ATR: variants seen among roughly 807,000 people sequenced by gnomAD.
ATR encodes the protein ATR checkpoint kinase, also known as serine/threonine-protein kinase ATR.
ATR carries 142 observed loss-of-function variants against 305.3 expected under a neutral mutation model. The ratio of observed to expected loss-of-function variants is 0.47; its 90% CI spans 0.41 to 0.53. The LOEUF (loss-of-function observed/expected upper bound fraction) is 0.53. ATR is among the 20% of genes least tolerant of loss of function. ATR has a pLI of 0.00. For missense variants in ATR, 2,135 were observed against 3,133.1 expected (o/e 0.68, Z 7.60); for synonymous variants, 1,050 against 1,068.1 (o/e 0.98, Z 0.33).
At chr3:142,470,244 T>G in intron 36 of ATR, 61 bp from the exon 37 acceptor site, 1 of 1,345,012 alleles carries the variant, frequency 7.4e-7, no homozygotes, top group African/African-American at 1.5e-5. Context: ...TTATACGAAT[T>G]AAAATTTAAA....
intron 18 of ATR, among the ~76,000 whole-genome samples, chr3:142,539,947 G>C (rs1182037826): frequency 1.3e-5 from 2 of 152,110 alleles, no homozygotes; most frequent in African/African-American, 4.8e-5. Context: ...AGGGATTCAG[G>C]TTGATAAAAC....
intron 24 of ATR, among the ~76,000 whole-genome samples, chr3:142,519,285 A>G (rs1559959098): frequency 6.6e-6 from 1 of 152,040 alleles, no homozygotes; most frequent in African/African-American, 2.4e-5. Flanking sequence ...TTAAAAAACT[A>G]TATCAAAAAT....
chr3:142,530,957 T>A (rs951038749), intron 21 of ATR, among the ~76,000 whole-genome samples: 1 of 152,176 alleles, frequency 6.6e-6, no homozygotes, highest in Non-Finnish European at 1.5e-5. Context: ...CAATTCTTAG[T>A]TCCTATTCTT....
At chr3:142,495,191 GTAT>G (rs2031511534) in intron 34 of ATR, among the ~76,000 whole-genome samples, 1 of 152,094 alleles carries the variant, frequency 6.6e-6, no homozygotes, top group South Asian at 2.1e-4. Context: ...TGAGTTTAAG[GTAT>G]TATAATACAT....
chr3:142,555,848 A>G, intron 10 of ATR, 29 bp downstream of exon 10: 1 of 1,586,898 alleles, frequency 6.3e-7, no homozygotes, highest in Non-Finnish European at 8.6e-7. Flanking sequence ...AATAGGTTTT[A>G]AAGTATTAAA....
intron 30 of ATR, among the ~76,000 whole-genome samples, 178 bp downstream of exon 30, chr3:142,503,184 A>G (rs1050702044): frequency 2.6e-5 from 4 of 152,184 alleles, no homozygotes; most frequent in African/African-American, 9.7e-5. Context: ...AGAAGCTGTT[A>G]AGTGGTAGAC....
At chr3:142,536,697 G>T (rs1243870155) in intron 19 of ATR, among the ~76,000 whole-genome samples, 1 of 152,190 alleles carries the variant, frequency 6.6e-6, no homozygotes. Flanking sequence ...CAGTCTACCT[G>T]CCCCCTGAAT....
intron 46 of ATR, chr3:142,452,278 G>T: frequency 1.0e-6 from 1 of 992,378 alleles, no homozygotes; most frequent in Non-Finnish European, 1.2e-6. Flanking sequence ...CATATAGTTG[G>T]TATAATTCAT....
chr3:142,459,403 C>CGATA lies in ATR; in HGVS notation c.7193-21_7193-20insTATC. 1 of 1,613,398 alleles carries CGATA rather than the reference C, an allele frequency of 6.2e-7. No individual in the cohort carries two copies. The highest frequency in any genetic ancestry group is 1.6e-4 in the Middle Eastern group (1 of 6,062). ...ACACTCCTGCAAGGAAGAGTGATAT[C>CGATA]CATTAATCACATCAGCCAAATGAAA... On this transcript the variant is annotated intron_variant, in intron 42 of 46. Transcript: ENST00000350721.
Position 142,571,492 on chromosome 3 carries a change from TAAA to T in ATR, c.60-3341_60-3339del, listed in dbSNP as rs2035258305. On this transcript the variant is annotated intron_variant, in intron 1 of 46. Coordinates refer to ENST00000350721, the MANE Select transcript of ATR (RefSeq NM_001184.4). ...ATAAATAAATAAATAAATAAATAAA[TAAA>T]TAAATAAATAAATAATCAAAAGCAA... Among the ~76,000 whole-genome samples the T allele has an allele frequency of 4.0e-5, 6 of 149,692 alleles. No homozygotes were observed. In the South Asian group the frequency reaches 1.3e-3, roughly 31 times the overall value.
intron 36 of ATR, among the ~76,000 whole-genome samples, chr3:142,484,283 A>T (rs1453132479): frequency 6.6e-6 from 1 of 152,232 alleles, no homozygotes; most frequent in East Asian, 1.9e-4. Context: ...CTGGGTTTAC[A>T]TTATGAGCTA....
intron 8 of ATR, 58 bp from the exon 9 acceptor site, chr3:142,556,633 C>T: frequency 1.4e-6 from 2 of 1,414,110 alleles, no homozygotes; most frequent in Non-Finnish European, 2.0e-6. Flanking sequence ...TATGTATACA[C>T]ATATACATAT....
chr3:142,530,843 C>T (rs1354999940), intron 21 of ATR, among the ~76,000 whole-genome samples: 3 of 152,136 alleles, frequency 2.0e-5, no homozygotes, highest in African/African-American at 2.4e-5. Context: ...AAGTACCTTC[C>T]CTGTAGCCAG....
chr3:142,531,453 T>C (rs556187308), intron 21 of ATR, among the ~76,000 whole-genome samples: 3 of 152,066 alleles, frequency 2.0e-5, no homozygotes, highest in Admixed American at 2.0e-4. Flanking sequence ...CCCCTTCCTG[T>C]GTCCATGTGT....
intron 45 of ATR, 125 bp downstream of exon 45, chr3:142,457,479 G>T: frequency 9.1e-7 from 1 of 1,099,740 alleles, no homozygotes; most frequent in Non-Finnish European, 1.3e-6. Context: ...TCTGCATAAA[G>T]CTATTATTTA....
At position 142,485,165 on chromosome 3, in the gene ATR, G is replaced by A. The variant is rs369309229; in HGVS notation, c.6196C>T (p.Arg2066Trp). ...NKMEKQGDLI[R>W]YIVLHFGRSL... ...CTGCCAAAATGAAGAACTATATACCGGATGAGATCACCTTGCTTTTCCATT... is the reference window on the plus strand; with the variant it reads ...CTGCCAAAATGAAGAACTATATACCAGATGAGATCACCTTGCTTTTCCATT... Residue 2066 changes from arginine to tryptophan, a missense_variant, in exon 36 of 47, where the codon CGG (arginine) becomes TGG (tryptophan). Arg to Trp is a moderately radical substitution (Grantham distance 101, BLOSUM62 -3). Transcript: ENST00000350721. 17 of 1,613,898 alleles carry A rather than the reference G, an allele frequency of 1.1e-5. No homozygotes were observed. Among genetic ancestry groups the A allele is most frequent in the South Asian group, 4.4e-5 (4 of 91,082 alleles).
In ATR at chr3:142,479,902, G is replaced by A. The variant is rs1487312478; in HGVS notation, c.6221+5238C>T. On this transcript the variant is annotated intron_variant, in intron 36 of 46. Transcript: ENST00000350721. ...ATCGGCTACTGAAGCTTGTGCATTC[G>A]TCACGTAGTTCCTGTGCCGTGGATT... Among the ~76,000 whole-genome samples, 6 of 152,006 alleles carry A rather than the reference G, an allele frequency of 3.9e-5. No individual in the cohort carries two copies. The East Asian group carries it at 5.8e-4, about 15-fold the overall frequency.
chr3:142,497,779 T>C (rs2108338433), intron 32 of ATR, among the ~76,000 whole-genome samples: 1 of 152,282 alleles, frequency 6.6e-6, no homozygotes, highest in South Asian at 2.1e-4. Context: ...ATGAGGTATT[T>C]GCATATATTG....
In ATR at chr3:142,549,606, C is replaced by G. The variant is rs564283952; in HGVS notation, c.3044G>C (p.Arg1015Pro). The G allele has an allele frequency of 6.2e-7, 1 of 1,613,214 alleles. No homozygotes were observed. The highest frequency in any genetic ancestry group is 8.5e-7 in the Non-Finnish European group (1 of 1,179,678). The change falls in exon 15 of 47, where the codon CGA becomes CCA. Residue 1015 changes from arginine (R) to proline (P), a missense_variant. Around this residue, in one of 9 missense-constraint regions of ATR, gnomAD observed 530 missense variants for 766.8 expected, o/e 0.69. Coordinates refer to ENST00000350721, the MANE Select transcript of ATR (RefSeq NM_001184.4). ...GACATTTAATTGTTTTCCTAAAGTT[C>G]GAATGAGAGCAGAAGCTGCAGGGCT... ...KASPAASALIRTLGKQLNVNR... is the reference protein window; with the variant it reads ...KASPAASALIPTLGKQLNVNR...
Sources: gnomAD v4.1 joint callset for allele counts (sites outside exome capture counted in the v4.1 genomes callset) on GRCh38, gnomAD v4.1.1 for gene constraint, gnomAD v4.1.1 regional missense constraint, MANE v1.5 for transcripts, NCBI Gene and HGNC (gene_info 2026-07-23, HGNC 2026-07-21) for gene names.